LHFPL3: variants seen among roughly 807,000 people sequenced by gnomAD.
The protein encoded by LHFPL3 is LHFPL tetraspan subfamily member 3, also known as LHFPL tetraspan subfamily member 3 protein.
LHFPL3 carries 5 observed loss-of-function variants against 19.3 expected under a neutral mutation model. That is an observed-to-expected ratio of 0.26 (90% CI 0.14 to 0.54). LHFPL3 has a LOEUF of 0.54. Among genes scored for constraint, LHFPL3 ranks in the 20% least tolerant of loss-of-function variants. LHFPL3 has a pLI of 0.94. For missense variants in LHFPL3, 249 were observed against 307.4 expected, an observed-to-expected ratio of 0.81 and a Z score of 1.42; for synonymous variants, 133 against 126.2, an observed-to-expected ratio of 1.05 and a Z score of -0.36.
At chr7:104,805,138 C>T (rs560293431) in intron 2 of LHFPL3, among the ~76,000 whole-genome samples, 5 of 152,172 alleles carry the variant, frequency 3.3e-5, no homozygotes, top group Non-Finnish European at 7.3e-5. Flanking sequence ...CTCACTTCTC[C>T]GTGTGCTGAC....
At chr7:104,669,752 G>A (rs1366103997) in intron 1 of LHFPL3, among the ~76,000 whole-genome samples, 1 of 152,104 alleles carries the variant, frequency 6.6e-6, no homozygotes, top group Non-Finnish European at 1.5e-5. Flanking sequence ...AGCCTTTAAA[G>A]TATTGAAGTA....
intron 2 of LHFPL3, among the ~76,000 whole-genome samples, chr7:104,861,355 T>A (rs1791615926): frequency 6.6e-6 from 1 of 152,188 alleles, no homozygotes; most frequent in Non-Finnish European, 1.5e-5. Context: ...ATATATAAAA[T>A]GAGCAATAAT....
At chr7:104,721,183 A>G (rs769821407) in intron 1 of LHFPL3, among the ~76,000 whole-genome samples, 50 of 152,228 alleles carry the variant, frequency 3.3e-4, no homozygotes, top group Non-Finnish European at 6.2e-4. Context: ...TGTGGCACAT[A>G]TACAGCATAG....
intron 1 of LHFPL3, among the ~76,000 whole-genome samples, chr7:104,705,797 C>G (rs1019716538): frequency 2.0e-5 from 3 of 152,104 alleles, no homozygotes; most frequent in Non-Finnish European, 4.4e-5. Context: ...CAGTCATTCC[C>G]CACTACCGGA....
intron 1 of LHFPL3, among the ~76,000 whole-genome samples, chr7:104,610,449 A>G (rs1791191179): frequency 6.6e-6 from 1 of 152,060 alleles, no homozygotes; most frequent in African/African-American, 2.4e-5. Context: ...GGCTTACACA[A>G]TCATGGAGGT....
intron 1 of LHFPL3, among the ~76,000 whole-genome samples, chr7:104,520,160 T>C (rs927385414): frequency 2.0e-5 from 3 of 151,984 alleles, no homozygotes; most frequent in Admixed American, 6.6e-5. Context: ...GCATGAAGGG[T>C]TGTTGAATTT....
chr7:104,386,034 C>T lies in LHFPL3; in HGVS notation c.445+56810C>T, dbSNP rs145141194. Among the ~76,000 whole-genome samples, 290 of 152,136 alleles carry T rather than the reference C, an allele frequency of 1.9e-3. 1 individual carries two copies. The highest frequency in any genetic ancestry group is 6.5e-3 in the African/African-American group (271 of 41,500). The stretch of plus-strand genomic sequence containing the variant: ...TAAGAAGCGTTTATTCAAGAAATAT[C>T]GGTAAGAACAGTGAGCTTTGTGGCA... On this transcript the variant is annotated intron_variant, in intron 1 of 2. Transcript: ENST00000424859.
At chr7:104,710,905 T>G (rs1793289042) in intron 1 of LHFPL3, among the ~76,000 whole-genome samples, 1 of 152,230 alleles carries the variant, frequency 6.6e-6, no homozygotes, top group African/African-American at 2.4e-5. Flanking sequence ...CTGGGGAGTC[T>G]GGACTCTCCA....
intron 1 of LHFPL3, among the ~76,000 whole-genome samples, chr7:104,542,099 G>A (rs936609621): frequency 6.6e-6 from 1 of 151,810 alleles, no homozygotes; most frequent in African/African-American, 2.4e-5. Flanking sequence ...CAATTCACAG[G>A]GCTCTCCTTC....
At chr7:104,541,260 T>C (rs6465995) in intron 1 of LHFPL3, among the ~76,000 whole-genome samples, 88,887 of 151,876 alleles carry the variant, frequency 0.59, 26,125 homozygotes, top group Middle Eastern at 0.67. Flanking sequence ...CCATCATTGC[T>C]TTTACCACCC....
At chr7:104,651,657 G>T (rs1282130713) in intron 1 of LHFPL3, among the ~76,000 whole-genome samples, 1 of 152,216 alleles carries the variant, frequency 6.6e-6, no homozygotes, top group African/African-American at 2.4e-5. Flanking sequence ...CTTGAGCCAG[G>T]TATTCTCACT....
intron 1 of LHFPL3, among the ~76,000 whole-genome samples, chr7:104,479,268 A>T (rs182648699): frequency 1.3e-5 from 2 of 152,210 alleles, no homozygotes; most frequent in East Asian, 3.9e-4. Flanking sequence ...TATTGTTTTC[A>T]TCAGGCATTT....
chr7:104,572,210 G>C (rs935096185), intron 1 of LHFPL3, among the ~76,000 whole-genome samples: 1 of 152,120 alleles, frequency 6.6e-6, no homozygotes, highest in Non-Finnish European at 1.5e-5. Flanking sequence ...TTTTGCCATT[G>C]CGTGTAGTGG....
chr7:104,729,207 G>A lies in LHFPL3; in HGVS notation c.446-7468G>A, dbSNP rs1385395395. 4.3e-4 allele frequency among the ~76,000 whole-genome samples: 65 copies of A among 151,940 alleles called. 3 individuals are homozygous for A. Among genetic ancestry groups the A allele is most frequent in the Non-Finnish European group, 2.9e-5 (2 of 67,982 alleles). Reference sequence around the variant, plus strand: ...GAAAATATCAGCATGCATTGCATGTGGTAAGCATAATTTCAAGAAACTTTT... The same window carrying A: ...GAAAATATCAGCATGCATTGCATGTAGTAAGCATAATTTCAAGAAACTTTT... On this transcript the variant is annotated intron_variant, in intron 1 of 2. Transcript: ENST00000424859.
chr7:104,341,770 A>G (rs1469162735), intron 1 of LHFPL3, among the ~76,000 whole-genome samples: 1 of 152,180 alleles, frequency 6.6e-6, no homozygotes, highest in Non-Finnish European at 1.5e-5. Context: ...CAGCCCTGTC[A>G]TCTTGTACTT....
At chr7:104,594,129 A>G (rs972993605) in intron 1 of LHFPL3, among the ~76,000 whole-genome samples, 1 of 152,176 alleles carries the variant, frequency 6.6e-6, no homozygotes, top group African/African-American at 2.4e-5. Flanking sequence ...TCTTCATAGC[A>G]TCAGTAGTTT....
intron 1 of LHFPL3, among the ~76,000 whole-genome samples, chr7:104,371,419 C>T (rs1790612818): frequency 6.6e-6 from 1 of 152,164 alleles, no homozygotes; most frequent in Admixed American, 6.5e-5. Context: ...ATAGTTCTCT[C>T]ATGGCAACAG....
chr7:104,393,469 A>G (rs1291492525), intron 1 of LHFPL3, among the ~76,000 whole-genome samples: 2 of 152,074 alleles, frequency 1.3e-5, no homozygotes, highest in East Asian at 1.9e-4. Context: ...TGTAATCCCA[A>G]CACTTTGGGA....
intron 1 of LHFPL3, among the ~76,000 whole-genome samples, chr7:104,407,826 A>G (rs765753927): frequency 2.0e-5 from 3 of 152,234 alleles, no homozygotes; most frequent in Non-Finnish European, 4.4e-5. Flanking sequence ...TATTTAAATT[A>G]TTAGACTTTC....
Sources: allele counts gnomAD v4.1 joint callset (sites outside exome capture counted in the v4.1 genomes callset), GRCh38; gene constraint gnomAD v4.1.1; transcripts MANE v1.5; gene names NCBI Gene and HGNC (gene_info 2026-07-23, HGNC 2026-07-21).